Variants in MMP12 observed in about 807,000 individuals in gnomAD.
MMP12 encodes the protein matrix metallopeptidase 12, also known as macrophage metalloelastase.
A neutral mutation model predicts 45.2 loss-of-function variants in MMP12; 51 were observed. The ratio of observed to expected loss-of-function variants is 1.13; its 90% CI spans 0.90 to 1.42. MMP12 has a LOEUF of 1.42. Among genes scored for constraint, MMP12 ranks in the 40% most tolerant of loss-of-function variants. The pLI is 0.00. For synonymous variants in MMP12, 210 were observed against 193.3 expected (o/e 1.09, Z -0.72); for missense variants, 530 against 570.8 (o/e 0.93, Z 0.73).
chr11:102,867,480 T>C, intron 5 of MMP12, 87 bp from the exon 6 acceptor site: 1 of 1,249,966 alleles, frequency 8.0e-7, no homozygotes, highest in African/African-American at 1.5e-5. Context: ...TACTCAATTT[T>C]CTTAATGAAC....
rs1859571684 is a variant in MMP12, at chr11:102,874,933, T to G, written c.5A>C (p.Lys2Thr). ...CTGCAGGAGCAGTATTAGAAGAAAC[T>G]TCATTGTAAACTTCTAAACGGATCA... M[K>T]FLLILLLQAT... is the part of the protein sequence containing the mutation. The change falls in exon 1 of 10, where the codon AAG becomes ACG. Residue 2 changes from lysine to threonine, a missense_variant. Physicochemically the swap from Lys to Thr is moderately conservative, Grantham distance 78. Coordinates refer to ENST00000571244, the MANE Select transcript of MMP12 (RefSeq NM_002426.6). 1 of 1,584,354 alleles carries G rather than the reference T, an allele frequency of 6.3e-7. No individual in the cohort carries two copies. The highest frequency in any genetic ancestry group is 2.3e-5 in the East Asian group (1 of 44,108).
intron 4 of MMP12, among the ~76,000 whole-genome samples, chr11:102,871,278 A>G (rs1859489184): frequency 6.6e-6 from 1 of 152,062 alleles, no homozygotes; most frequent in Non-Finnish European, 1.5e-5. Flanking sequence ...TTTTCATATT[A>G]TGCTTCTTAA....
intron 5 of MMP12, 138 bp downstream of exon 5, chr11:102,867,770 T>G: frequency 1.1e-6 from 1 of 878,654 alleles, no homozygotes; most frequent in Non-Finnish European, 1.7e-6. Context: ...AGATAATACC[T>G]GTGTCACCTG....
chr11:102,874,520 T>A (rs1411199195), intron 1 of MMP12, among the ~76,000 whole-genome samples: 5 of 152,220 alleles, frequency 3.3e-5, no homozygotes, highest in African/African-American at 1.2e-4. Context: ...AACTGGCATT[T>A]AATGATTAGT....
intron 4 of MMP12, among the ~76,000 whole-genome samples, chr11:102,868,848 TAA>T (rs1373823626): frequency 5.3e-5 from 8 of 152,188 alleles, no homozygotes; most frequent in African/African-American, 1.9e-4. Flanking sequence ...AAATAATTCT[TAA>T]AAGAGTCTAT....
chr11:102,867,244 T>C (rs1555008675), intron 6 of MMP12, 26 bp downstream of exon 6: 2 of 1,538,506 alleles, frequency 1.3e-6, no homozygotes, highest in African/African-American at 1.4e-5. Flanking sequence ...AACTTTAATA[T>C]TGGTTAGATA....
rs1859531785 is a variant in MMP12 at position 102,873,097 on chromosome 11, A to T, written c.118T>A (p.Phe40Ile). The part of the protein sequence containing the change: ...VLFGERYLEK[F>I]YGLEINKLPV... ...AGTTTGTTTATCTCAAGGCCATAAA[A>T]TTTTTCTAAGTATCTCTGGAAAAAA... Residue 40 changes from phenylalanine (F) to isoleucine (I), a missense_variant, in exon 2 of 10, where the codon TTT (phenylalanine) becomes ATT (isoleucine). Transcript: ENST00000571244. The T allele has an allele frequency of 3.1e-6, 5 of 1,611,720 alleles. No individual in the cohort carries two copies. Among genetic ancestry groups the T allele is most frequent in the Non-Finnish European group, 4.2e-6 (5 of 1,179,052 alleles).
At chr11:102,866,215 G>A (rs1470277783) in intron 7 of MMP12, 100 bp downstream of exon 7, 2 of 1,200,094 alleles carry the variant, frequency 1.7e-6, no homozygotes, top group Non-Finnish European at 2.3e-6. Context: ...AAAATCAAGA[G>A]TGCTTTCTTG....
chr11:102,873,184 G>T, intron 1 of MMP12, 72 bp from the exon 2 acceptor site: 1 of 1,342,756 alleles, frequency 7.4e-7, no homozygotes, highest in South Asian at 1.4e-5. Flanking sequence ...CCACATATAT[G>T]ACTCAATTGC....
chr11:102,871,673 G>A lies in MMP12; in HGVS notation c.546C>T (p.Ala182=). 1.2e-6 allele frequency: 2 copies of A among 1,601,366 alleles called. No individual in the cohort carries two copies. Among genetic ancestry groups the A allele is most frequent in the Non-Finnish European group, 1.7e-6 (2 of 1,173,336 alleles). The change falls in exon 4 of 10, where the codon GCC becomes GCT. Residue 182 remains alanine, a synonymous_variant. Transcript: ENST00000571244. ...TGCCAGATCCAGGTCCAAAAGCATG[G>A]GCTAGGATTCCACCTTTGCCATCAA... ...HAFDGKGGIL[A]HAFGPGSGIG... is the part of the protein sequence containing the mutation.
rs1555009436 is a variant in MMP12, at chr11:102,871,916, A to G, written c.387T>C (p.Asp129=). The G allele has an allele frequency of 6.2e-7, 1 of 1,613,540 alleles. No individual in the cohort carries two copies. Reference sequence around the variant, plus strand: ...AAGCTTTCCGGATTGCGTAGTCAACATCCTCACGGTTCATGTCAGGTGTGT... The same window carrying G: ...AAGCTTTCCGGATTGCGTAGTCAACGTCCTCACGGTTCATGTCAGGTGTGT... ...NNYTPDMNRE[D]VDYAIRKAFQ... The change falls in exon 3 of 10, where the codon GAT becomes GAC. Residue 129 remains aspartate (D), a synonymous_variant. Coordinates refer to ENST00000571244, the MANE Select transcript of MMP12 (RefSeq NM_002426.6).
At position 102,871,574 on chromosome 11, in the gene MMP12, T is replaced by G; in HGVS notation, c.625+20A>C. ...CTGTTTGCTTAGTTTTTTGTTTGTT[T>G]GTTTGTTTGTTTTGCCCACCTCCTG... On this transcript the variant is annotated intron_variant, in intron 4 of 9. Coordinates refer to ENST00000571244, the MANE Select transcript of MMP12 (RefSeq NM_002426.6). The G allele has an allele frequency of 1.3e-6, 2 of 1,549,612 alleles. No homozygotes were observed. The highest frequency in any genetic ancestry group is 1.4e-5 in the African/African-American group (1 of 73,128).
intron 2 of MMP12, 91 bp downstream of exon 2, chr11:102,872,774 C>A: frequency 1.4e-6 from 2 of 1,409,578 alleles, no homozygotes; most frequent in South Asian, 2.8e-5. Context: ...ACTTTATCTA[C>A]TTCCAGATTT....
intron 4 of MMP12, among the ~76,000 whole-genome samples, chr11:102,871,267 C>A (rs1450147848): frequency 6.6e-6 from 1 of 151,992 alleles, no homozygotes; most frequent in Middle Eastern, 3.2e-3. Flanking sequence ...CAGCTTTTAC[C>A]TTTTCATATT....
chr11:102,864,338 C>G (rs1372427341), intron 8 of MMP12, 86 bp from the exon 9 acceptor site: 1 of 861,690 alleles, frequency 1.2e-6, no homozygotes, highest in African/African-American at 1.7e-5. Context: ...TACTGAAGAG[C>G]TCTTCCCCAA....
At chr11:102,869,695 G>T (rs1185528838) in intron 4 of MMP12, among the ~76,000 whole-genome samples, 2 of 151,694 alleles carry the variant, frequency 1.3e-5, no homozygotes, top group African/African-American at 4.8e-5. Context: ...CGGATCACCT[G>T]AGGTCAGGAG....
chr11:102,863,455 T>C (rs1565231700), intron 9 of MMP12, among the ~76,000 whole-genome samples: 1 of 151,988 alleles, frequency 6.6e-6, no homozygotes. Context: ...AAAAATAAGA[T>C]GAGATGTGAT....
chr11:102,869,565 A>G (rs1282209031), intron 4 of MMP12, among the ~76,000 whole-genome samples: 1 of 152,094 alleles, frequency 6.6e-6, no homozygotes, highest in Non-Finnish European at 1.5e-5. Flanking sequence ...ACCATAATAG[A>G]ATAGGTCAGC....
chr11:102,867,777 C>T (rs753031108), intron 5 of MMP12, 131 bp downstream of exon 5: 43 of 929,578 alleles, frequency 4.6e-5, no homozygotes, highest in Non-Finnish European at 6.3e-5. Flanking sequence ...ACCTGTGTCA[C>T]CTGCCACACA....
Sources: allele counts gnomAD v4.1 joint callset (sites outside exome capture counted in the v4.1 genomes callset), GRCh38; gene constraint gnomAD v4.1.1; transcripts MANE v1.5; gene names NCBI Gene and HGNC (gene_info 2026-07-23, HGNC 2026-07-21).